The following WIPI1 variants were observed in gnomAD, a reference collection of about 807,000 sequenced individuals.
WIPI1 encodes the protein WD repeat domain, phosphoinositide interacting 1, also known as WD repeat domain phosphoinositide-interacting protein 1.
Under a neutral mutation model 55.3 loss-of-function variants are expected in WIPI1, and 45 were observed. The observed-to-expected ratio is 0.81, with a 90% confidence interval of 0.64 to 1.04. The LOEUF (loss-of-function observed/expected upper bound fraction) is 1.04. WIPI1 is among the 50% of genes least tolerant of loss of function. WIPI1 has a pLI of 0.00. For synonymous variants in WIPI1, 195 were observed against 217.6 expected (o/e 0.90, Z 0.92); for missense variants, 445 against 559.0 (o/e 0.80, Z 2.06).
In WIPI1 at chr17:68,452,718, G is replaced by T. The variant is rs115098952; in HGVS notation, c.163+192C>A. 1.5e-3 allele frequency among the ~76,000 whole-genome samples: 231 copies of T among 152,242 alleles called. 1 individual carries two copies. Among genetic ancestry groups the T allele is most frequent in the African/African-American group, 5.3e-3 (220 of 41,544 alleles). On this transcript the variant is annotated intron_variant, in intron 2 of 12. Transcript: ENST00000262139. ...AAAAGAAAATGTTACTTAAACTGTT[G>T]CCAGATCTAAGTGCTTGTGGTTTAA...
rs1230095393 is a variant in WIPI1, at chr17:68,435,482, C to A, written c.621+138G>T. On this transcript the variant is annotated intron_variant, in intron 6 of 12. Transcript: ENST00000262139. ...ACCACACATGCAGAGGCCAGAAATT[C>A]TCCCTCTGAAACAAATTCTGAGTGG... The A allele has an allele frequency of 1.6e-5, 13 of 825,628 alleles. No homozygotes were observed. The Admixed American group carries it at 2.6e-4, about 17-fold the overall frequency. The allele number at this position is 825,628 out of a possible 1,614,324, so 51.1% of individuals were successfully genotyped here.
intron 4 of WIPI1, chr17:68,441,144 T>G (rs577725579): frequency 6.6e-6 from 1 of 152,182 alleles, no homozygotes; most frequent in Non-Finnish European, 1.5e-5. Flanking sequence ...AGGACTTTCA[T>G]GGAGATTTCC....
rs114863072 is a variant in WIPI1, at chr17:68,435,669, G to A, written c.572C>T (p.Ala191Val). 612 of 1,614,222 alleles carry A rather than the reference G, an allele frequency of 3.8e-4. 4 individuals are homozygous for A. In the African/African-American group the frequency reaches 7.2e-3, roughly 19 times the overall value. The change falls in exon 6 of 13, where the codon GCC becomes GTC. Residue 191 changes from alanine (A) to valine (V), a missense_variant. By Grantham distance (64) the Ala-to-Val change is moderately conservative. Transcript: ENST00000262139. Reference sequence around the variant, plus strand: ...GGAGCCTGAGGCATTGAAGGTGATGGCAGCTAGTGTTCCCTCATGGGCAGC... The same window carrying A: ...GGAGCCTGAGGCATTGAAGGTGATGACAGCTAGTGTTCCCTCATGGGCAGC... ...TIAAHEGTLA[A>V]ITFNASGSKL...
intron 1 of WIPI1, among the ~76,000 whole-genome samples, chr17:68,454,515 G>A (rs890915583): frequency 7.2e-5 from 11 of 152,168 alleles, no homozygotes; most frequent in Non-Finnish European, 1.2e-4. Context: ...ACGTCTCGCA[G>A]CCCTCCAACC....
In WIPI1 at chr17:68,421,775, A is replaced by C. The variant is rs140021666; in HGVS notation, c.1339T>G (p.Ter447GlyextTer1). The C allele has an allele frequency of 5.0e-6, 8 of 1,614,174 alleles. No individual in the cohort carries two copies. In the South Asian group the frequency reaches 6.6e-5, roughly 13 times the overall value. Residue 447 changes from the stop codon to glycine, a stop_lost, in exon 13 of 13, where the codon TGA becomes GGA. Coordinates refer to ENST00000262139, the MANE Select transcript of WIPI1 (RefSeq NM_017983.7). ...GNQKGKTKQS* is the reference protein window; with the variant it reads ...GNQKGKTKQSG ...TGATTTCTGAGGTGTGCTTCTCATCATGACTGCTTCGTTTTGCCCTTCTGA... is the reference window on the plus strand; with the variant it reads ...TGATTTCTGAGGTGTGCTTCTCATCCTGACTGCTTCGTTTTGCCCTTCTGA...
chr17:68,445,645 C>T (rs776730933), intron 3 of WIPI1, among the ~76,000 whole-genome samples: 6 of 152,214 alleles, frequency 3.9e-5, no homozygotes, highest in Non-Finnish European at 7.3e-5. Flanking sequence ...GAGCCTCTTC[C>T]CAATGGCTGT....
Position 68,444,606 on chromosome 17 carries a change from T to C in WIPI1, c.334-17A>G. ...CAGCAGCCTCTGTAATCACACAGAC[T>C]TATCAGTCTACCGAACCGTTCCTTA... On this transcript the variant is annotated splice_polypyrimidine_tract_variant and intron_variant, in intron 3 of 12. Coordinates refer to ENST00000262139, the MANE Select transcript of WIPI1 (RefSeq NM_017983.7). 6.2e-7 allele frequency: 1 copy of C among 1,603,264 alleles called. No homozygotes were observed. The highest frequency in any genetic ancestry group is 8.5e-7 in the Non-Finnish European group (1 of 1,173,288).
chr17:68,456,344 A>G (rs758228398), intron 1 of WIPI1, among the ~76,000 whole-genome samples: 8 of 152,244 alleles, frequency 5.3e-5, no homozygotes, highest in Non-Finnish European at 7.3e-5. Context: ...TGAAGGATCA[A>G]TATTAGCGTA....
intron 2 of WIPI1, 89 bp from the exon 3 acceptor site, chr17:68,450,986 A>G: frequency 1.3e-6 from 2 of 1,484,564 alleles, no homozygotes; most frequent in Non-Finnish European, 1.8e-6. Context: ...GGCGCAGGCC[A>G]GGTTCCAAAG....
chr17:68,449,411 G>A (rs536279215), intron 3 of WIPI1, among the ~76,000 whole-genome samples: 1 of 152,184 alleles, frequency 6.6e-6, no homozygotes, highest in Non-Finnish European at 1.5e-5. Context: ...GGATCCTTGA[G>A]CCCAGGAGTT....
chr17:68,446,290 C>T (rs1192729003), intron 3 of WIPI1, among the ~76,000 whole-genome samples: 2 of 151,914 alleles, frequency 1.3e-5, no homozygotes, highest in African/African-American at 4.8e-5. Flanking sequence ...AGTCCATTTT[C>T]CCACCCCAGC....
chr17:68,457,405 G>A lies in WIPI1; in HGVS notation c.17C>T (p.Ala6Val), dbSNP rs1327893123. 3 of 1,523,694 alleles carry A rather than the reference G, an allele frequency of 2.0e-6. No homozygotes were observed. The highest frequency in any genetic ancestry group is 1.2e-5 in the South Asian group (1 of 81,896). 94.4% of individuals were successfully genotyped at this position (1,523,694 alleles called of 1,614,324 possible). The change falls in exon 1 of 13, where the codon GCG becomes GTG. Residue 6 changes from alanine (A) to valine (V), a missense_variant. Coordinates refer to ENST00000262139, the MANE Select transcript of WIPI1 (RefSeq NM_017983.7). MEAEAADAPPGGVESA... is the reference protein window; with the variant it reads MEAEAVDAPPGGVESA... ...CTCAACCCCGCCCGGGGGAGCGTCC[G>A]CGGCCTCGGCCTCCATCGGGGGCTC...
intron 4 of WIPI1, among the ~76,000 whole-genome samples, chr17:68,439,605 C>T (rs893552820): frequency 1.3e-4 from 20 of 152,180 alleles, no homozygotes; most frequent in Non-Finnish European, 2.4e-4. Context: ...GCATTTTAAA[C>T]GGGTGAATTG....
intron 1 of WIPI1, among the ~76,000 whole-genome samples, chr17:68,456,820 C>A (rs925779449): frequency 2.0e-5 from 3 of 152,210 alleles, no homozygotes; most frequent in Non-Finnish European, 4.4e-5. Flanking sequence ...GCTGGCCTGG[C>A]CGCAGGGATA....
At chr17:68,444,833 TCTCTC>T (rs2084216035) in intron 3 of WIPI1, among the ~76,000 whole-genome samples, 1 of 152,038 alleles carries the variant, frequency 6.6e-6, no homozygotes, top group South Asian at 2.1e-4. Flanking sequence ...TGTTTTTACT[TCTCTC>T]CTTCCTTCTT....
Position 68,444,558 on chromosome 17 carries a change from T to G in WIPI1, c.365A>C (p.Tyr122Ser). 1 of 1,614,112 alleles carries G rather than the reference T, an allele frequency of 6.2e-7. No homozygotes were observed. Among genetic ancestry groups the G allele is most frequent in the Non-Finnish European group, 8.5e-7 (1 of 1,180,012 alleles). ...CTTCATGTCTTTAATGTTGTGAATA[T>G]AAATGGACTCTTCTAGGCAAACCAG... is the stretch of plus-strand genomic sequence containing the variant. ...RLLVCLEESI[Y>S]IHNIKDMKLL... The change falls in exon 4 of 13, where the codon TAT becomes TCT. Residue 122 changes from tyrosine (Y) to serine (S), a missense_variant. Tyr to Ser is a moderately radical substitution (Grantham distance 144). Coordinates refer to ENST00000262139, the MANE Select transcript of WIPI1 (RefSeq NM_017983.7).
In WIPI1 at chr17:68,457,495, A is replaced by T. The variant is rs376803261; in HGVS notation, c.-74T>A. 0.013 allele frequency: 16,407 copies of T among 1,268,138 alleles called. 187 individuals carry two copies. The highest frequency in any genetic ancestry group is 0.023 in the South Asian group (1,190 of 50,930). 78.6% of individuals were successfully genotyped at this position (1,268,138 alleles called of 1,614,324 possible). On this transcript the variant is annotated 5_prime_UTR_variant, in exon 1 of 13. Transcript: ENST00000262139. The stretch of plus-strand genomic sequence containing the variant: ...TCAGCAGCCCGCCCGCGCCGGCTCC[A>T]CGGGCCGGGTCGCCGGTCCTGCCCC...
chr17:68,453,011 G>A lies in WIPI1; in HGVS notation c.81-19C>T. ...TAGGGATCTGTGGAGGATAATGACA[G>A]CATGGGAATAACGACAGGTATTCTA... On this transcript the variant is annotated intron_variant, in intron 1 of 12. Coordinates refer to ENST00000262139, the MANE Select transcript of WIPI1 (RefSeq NM_017983.7). 1 of 1,595,726 alleles carries A rather than the reference G, an allele frequency of 6.3e-7. No homozygotes were observed. The highest frequency in any genetic ancestry group is 1.3e-5 in the African/African-American group (1 of 74,562).
chr17:68,425,771 T>G (rs1320082570), intron 12 of WIPI1, among the ~76,000 whole-genome samples: 1 of 152,128 alleles, frequency 6.6e-6, no homozygotes, highest in Non-Finnish European at 1.5e-5. Context: ...GGCAGCAAAG[T>G]CAGTGCTACA....
Sources: allele counts gnomAD v4.1 joint callset (sites outside exome capture counted in the v4.1 genomes callset), GRCh38; gene constraint gnomAD v4.1.1; transcripts MANE v1.5; gene names NCBI Gene and HGNC (gene_info 2026-07-23, HGNC 2026-07-21).